The following USO1 variants were observed in gnomAD, a reference collection of about 807,000 sequenced individuals.
The protein encoded by USO1 is general vesicular transport factor p115.
Under a neutral mutation model 124.5 loss-of-function variants are expected in USO1, and 57 were observed. The observed-to-expected ratio is 0.46, with a 90% CI of 0.37 to 0.57. The LOEUF is 0.57. Ranked by LOEUF, USO1 falls within the 20% of genes least tolerant of loss-of-function variation. The pLI is 0.00. For synonymous variants in USO1, 369 were observed against 362.8 expected, an observed-to-expected ratio of 1.02 and a Z score of -0.19; for missense variants, 900 against 1,040.6, an observed-to-expected ratio of 0.86 and a Z score of 1.86.
chr4:75,765,871 G>A (rs1157738214), intron 4 of USO1, among the ~76,000 whole-genome samples: 1 of 152,254 alleles, frequency 6.6e-6, no homozygotes. Flanking sequence ...TCAGGCCTTT[G>A]TAGCATCAAT....
chr4:75,790,864 TC>T, intron 12 of USO1, 67 bp downstream of exon 12: 1 of 1,434,840 alleles, frequency 7.0e-7, no homozygotes, highest in Non-Finnish European at 9.1e-7. Flanking sequence ...TTTAATTGAT[TC>T]TTTCTTTTTA....
chr4:75,751,344 T>C (rs2149153484), intron 1 of USO1, among the ~76,000 whole-genome samples: 1 of 150,518 alleles, frequency 6.6e-6, no homozygotes, highest in East Asian at 2.0e-4. Flanking sequence ...CCCAAGTAGC[T>C]GGGACTACAG....
At position 75,768,367 on chromosome 4, in the gene USO1, C is replaced by A. The variant is rs1236859922; in HGVS notation, c.296-2072C>A. 2.0e-5 allele frequency among the ~76,000 whole-genome samples: 3 copies of A among 152,112 alleles called. No individual in the cohort carries two copies. The East Asian group carries it at 5.8e-4, about 29-fold the overall frequency. ...GTTTTCAGAGTGTAAGTAGCACACA[C>A]CTATTGTCAAATGTTTTTGTTGATG... On this transcript the variant is annotated intron_variant, in intron 4 of 23. Coordinates refer to ENST00000514213, the MANE Select transcript of USO1 (RefSeq NM_003715.4).
intron 4 of USO1, chr4:75,760,634 T>C (rs1215202688): frequency 1.3e-5 from 5 of 397,944 alleles, no homozygotes; most frequent in African/African-American, 2.1e-5. Flanking sequence ...ATCTGCATGA[T>C]GCTTTTAGGC....
Position 75,734,314 on chromosome 4 carries a change from A to G in USO1, c.66+9429A>G, listed in dbSNP as rs376226189. 5.9e-5 allele frequency among the ~76,000 whole-genome samples: 9 copies of G among 152,136 alleles called. No individual in the cohort carries two copies. In the East Asian group the frequency reaches 9.7e-4, roughly 16 times the overall value. ...ATCCATCTTGAGTTAATTTTTGTAT[A>G]TGGTAAAAGGTAAGGGCCCAGTTTC... is the stretch of plus-strand genomic sequence containing the variant. On this transcript the variant is annotated intron_variant, in intron 1 of 23. Transcript: ENST00000514213.
intron 8 of USO1, among the ~76,000 whole-genome samples, chr4:75,778,326 A>T (rs1473910842): frequency 1.3e-5 from 2 of 152,186 alleles, no homozygotes; most frequent in Non-Finnish European, 2.9e-5. Flanking sequence ...AAAAGAAAAC[A>T]TTAAAATCAG....
At chr4:75,785,741 A>G (rs324733) in intron 9 of USO1, among the ~76,000 whole-genome samples, 97,447 of 151,914 alleles carry the variant, frequency 0.64, 33,677 homozygotes, top group East Asian at 0.91. Context: ...GATTTTGTCC[A>G]TTGTAATAAT....
chr4:75,732,982 C>T (rs1035513809), intron 1 of USO1, among the ~76,000 whole-genome samples: 1 of 146,888 alleles, frequency 6.8e-6, no homozygotes, highest in Non-Finnish European at 1.5e-5. Flanking sequence ...TCTGTAGGGC[C>T]GGGTGCGGTG....
At chr4:75,787,774 C>T (rs943171755) in intron 10 of USO1, among the ~76,000 whole-genome samples, 4 of 152,134 alleles carry the variant, frequency 2.6e-5, no homozygotes, top group Middle Eastern at 3.2e-3. Context: ...CATGTCACCT[C>T]ATAATTATTT....
At chr4:75,762,065 G>C (rs1436459987) in intron 4 of USO1, among the ~76,000 whole-genome samples, 1 of 151,906 alleles carries the variant, frequency 6.6e-6, no homozygotes, top group Non-Finnish European at 1.5e-5. Flanking sequence ...CAGCCAGTGA[G>C]GTAGGTGGTA....
chr4:75,761,147 CA>C (rs917761279), intron 4 of USO1, among the ~76,000 whole-genome samples: 74 of 143,990 alleles, frequency 5.1e-4, no homozygotes, highest in Non-Finnish European at 7.2e-4. Context: ...AGACTTGTCT[CA>C]AAAAAAAAAA....
chr4:75,742,718 G>A (rs767094569), intron 1 of USO1, among the ~76,000 whole-genome samples: 42 of 152,196 alleles, frequency 2.8e-4, no homozygotes, highest in Non-Finnish European at 5.7e-4. Flanking sequence ...CTTCTGTGTT[G>A]TAACTCCCTC....
rs749180462 is a variant in USO1, at chr4:75,724,802, T to A, written c.-18T>A. 6.2e-7 allele frequency: 1 copy of A among 1,613,520 alleles called. No homozygotes were observed. The highest frequency in any genetic ancestry group is 1.1e-5 in the South Asian group (1 of 91,056). ...TTTTTTCCGGAGGGGCCGGTAAACC[T>A]GGTGGCTGAACGGCAAGATGAATTT... is the stretch of plus-strand genomic sequence containing the variant. On this transcript the variant is annotated 5_prime_UTR_variant, in exon 1 of 24. Transcript: ENST00000514213.
intron 17 of USO1, among the ~76,000 whole-genome samples, chr4:75,801,426 C>T (rs324725): frequency 5.3e-5 from 8 of 152,206 alleles, no homozygotes; most frequent in East Asian, 3.9e-4. Flanking sequence ...ACTACAATTG[C>T]GGAATCATCA....
chr4:75,725,005 C>A, intron 1 of USO1, 120 bp downstream of exon 1: 1 of 1,051,364 alleles, frequency 9.5e-7, no homozygotes, highest in South Asian at 1.5e-5. Flanking sequence ...CCACATGCCG[C>A]CTCCCCCTTT....
intron 22 of USO1, among the ~76,000 whole-genome samples, chr4:75,810,857 A>T (rs1057400670): frequency 1.3e-5 from 2 of 152,006 alleles, no homozygotes; most frequent in Non-Finnish European, 2.9e-5. Context: ...CAACCTACTG[A>T]GTAGCTGGGA....
At chr4:75,785,614 A>ATATT (rs1412736196) in intron 9 of USO1, among the ~76,000 whole-genome samples, 1 of 152,090 alleles carries the variant, frequency 6.6e-6, no homozygotes. Context: ...AATATTTCAT[A>ATATT]TATTTACATG....
chr4:75,746,049 A>G (rs568314772), intron 1 of USO1, among the ~76,000 whole-genome samples: 3 of 152,168 alleles, frequency 2.0e-5, no homozygotes, highest in Admixed American at 6.6e-5. Context: ...GATAATCCCT[A>G]CGGTATGTAG....
chr4:75,738,361 G>A lies in USO1; in HGVS notation c.66+13476G>A, dbSNP rs1364301150. ...AAGCCTAGCTGCTTGGGAGGCTGAGGCAGGAGGATTGCTGGAACCTGGGAG... is the reference window on the plus strand; with the variant it reads ...AAGCCTAGCTGCTTGGGAGGCTGAGACAGGAGGATTGCTGGAACCTGGGAG... On this transcript the variant is annotated intron_variant, in intron 1 of 23. Coordinates refer to ENST00000514213, the MANE Select transcript of USO1 (RefSeq NM_003715.4). 2.0e-5 allele frequency among the ~76,000 whole-genome samples: 3 copies of A among 151,910 alleles called. 1 individual carries two copies. Among genetic ancestry groups the A allele is most frequent in the Non-Finnish European group, 4.4e-5 (3 of 68,002 alleles).
Sources: gnomAD v4.1 joint callset for allele counts (sites outside exome capture counted in the v4.1 genomes callset) on GRCh38, gnomAD v4.1.1 for gene constraint, MANE v1.5 for transcripts, NCBI Gene and HGNC (gene_info 2026-07-23, HGNC 2026-07-21) for gene names.